The following LDLRAD3 variants were observed in gnomAD, a reference collection of about 807,000 sequenced individuals.
The protein encoded by LDLRAD3 is low-density lipoprotein receptor class A domain-containing protein 3.
In LDLRAD3, 20 loss-of-function variants were observed where a neutral mutation model predicts 29.4. The ratio of observed to expected loss-of-function variants is 0.68; its 90% CI spans 0.48 to 0.99. LDLRAD3 has a LOEUF of 0.99. LDLRAD3 is among the 50% of genes least tolerant of loss of function. The pLI is 0.00. For missense variants in LDLRAD3, 420 were observed against 454.3 expected, an observed-to-expected ratio of 0.92 and a Z score of 0.69; for synonymous variants, 157 against 192.7, an observed-to-expected ratio of 0.81 and a Z score of 1.53.
At position 36,227,245 on chromosome 11, in the gene LDLRAD3, G is replaced by T. The variant is rs199984146; in HGVS notation, c.615G>T (p.Thr205=). Residue 205 remains threonine, a synonymous_variant, in exon 5 of 6, where the codon ACG becomes ACT. Transcript: ENST00000315571. ...AGCGGAAGCGGAACAACCTCATGAC[G>T]CTGCCCGTGCACCGGCTGCAGCACC... ...HHQRKRNNLM[T]LPVHRLQHPV... 6.2e-7 allele frequency: 1 copy of T among 1,614,060 alleles called. No individual in the cohort carries two copies. Among genetic ancestry groups the T allele is most frequent in the Non-Finnish European group, 8.5e-7 (1 of 1,180,038 alleles).
rs557763045 is a variant in LDLRAD3 at position 36,149,554 on chromosome 11, G to A, written c.454+51093G>A. 2.4e-4 allele frequency among the ~76,000 whole-genome samples: 36 copies of A among 152,342 alleles called. 1 individual carries two copies. The South Asian group carries it at 7.5e-3, about 32-fold the overall frequency. ...CAGTGTTGTCCAGCTGGTGAGAGAT[G>A]AGGATGAGAGGGAGTTTGAATCTGT... On this transcript the variant is annotated intron_variant, in intron 4 of 5. Transcript: ENST00000315571.
chr11:36,087,713 T>A (rs929603785), intron 3 of LDLRAD3, among the ~76,000 whole-genome samples: 1 of 151,650 alleles, frequency 6.6e-6, no homozygotes, highest in Admixed American at 6.6e-5. Context: ...CCAGTATATA[T>A]AATTTTTTTT....
intron 4 of LDLRAD3, among the ~76,000 whole-genome samples, chr11:36,176,486 AGCAGTTGTTGTAAGT>A (rs1854677619): frequency 6.7e-6 from 1 of 149,246 alleles, no homozygotes; most frequent in African/African-American, 2.5e-5. Context: ...AACTCCTTTT[AGCAGTTGTTGTAAGT>A]GCTGGCTTGG....
chr11:36,015,910 A>T (rs1439827211), intron 1 of LDLRAD3, among the ~76,000 whole-genome samples: 1 of 152,136 alleles, frequency 6.6e-6, no homozygotes, highest in Non-Finnish European at 1.5e-5. Flanking sequence ...GCGCCCTTGA[A>T]TGAGCTCGTC....
chr11:36,025,188 A>T (rs1043937004), intron 1 of LDLRAD3, among the ~76,000 whole-genome samples: 4 of 152,158 alleles, frequency 2.6e-5, no homozygotes, highest in African/African-American at 7.2e-5. Context: ...AAGCGAGAAT[A>T]TAGTGGTAAA....
chr11:36,038,844 C>A (rs1428536650), intron 2 of LDLRAD3, among the ~76,000 whole-genome samples: 1 of 152,196 alleles, frequency 6.6e-6, no homozygotes, highest in Non-Finnish European at 1.5e-5. Context: ...ACATTAACCT[C>A]TCTCTGTAGC....
At chr11:36,054,575 T>C (rs896138254) in intron 2 of LDLRAD3, among the ~76,000 whole-genome samples, 1 of 152,252 alleles carries the variant, frequency 6.6e-6, no homozygotes. Context: ...TTTACAGGAT[T>C]GACATCACCC....
At chr11:36,057,412 A>C (rs912073205) in intron 2 of LDLRAD3, among the ~76,000 whole-genome samples, 1 of 151,622 alleles carries the variant, frequency 6.6e-6, no homozygotes. Flanking sequence ...TTGGCCCCAA[A>C]CTCTTCCTCA....
chr11:36,057,216 G>A (rs1852634289), intron 2 of LDLRAD3, among the ~76,000 whole-genome samples: 1 of 152,202 alleles, frequency 6.6e-6, no homozygotes, highest in Admixed American at 6.5e-5. Context: ...GCCTCACTCA[G>A]TGGTTCCTGT....
chr11:36,107,286 C>T (rs1395789459), intron 4 of LDLRAD3, among the ~76,000 whole-genome samples: 1 of 151,958 alleles, frequency 6.6e-6, no homozygotes, highest in Non-Finnish European at 1.5e-5. Context: ...CTGCAACCTC[C>T]ACCTCCCAGG....
intron 4 of LDLRAD3, among the ~76,000 whole-genome samples, chr11:36,172,905 C>A (rs934006883): frequency 6.6e-6 from 1 of 152,298 alleles, no homozygotes; most frequent in Admixed American, 6.5e-5. Flanking sequence ...GGGATTGGTA[C>A]TAATTCTTCC....
intron 1 of LDLRAD3, among the ~76,000 whole-genome samples, chr11:35,998,213 A>G (rs929665640): frequency 2.6e-5 from 4 of 152,196 alleles, no homozygotes; most frequent in African/African-American, 9.6e-5. Context: ...TGGTAGTGCA[A>G]ATTTCCTAGT....
chr11:35,987,343 T>C (rs752525765), intron 1 of LDLRAD3, among the ~76,000 whole-genome samples: 1 of 152,202 alleles, frequency 6.6e-6, no homozygotes, highest in Admixed American at 6.5e-5. Flanking sequence ...TGGGGCATGA[T>C]TGATCCCATC....
Position 36,229,706 on chromosome 11 carries a change from T to C in LDLRAD3, c.*309T>C. The C allele has an allele frequency of 2.8e-6, 1 of 357,178 alleles. No homozygotes were observed. 22.1% of individuals were successfully genotyped at this position (357,178 alleles called of 1,614,324 possible). A position where few individuals can be genotyped will look rare whatever the true frequency, so the allele number is the denominator to read the frequency against. ...GACAGCATATAAAACAGTATTGAAATAGGCTGGGAGAGAGCAATGTTTCTG... is the reference window on the plus strand; with the variant it reads ...GACAGCATATAAAACAGTATTGAAACAGGCTGGGAGAGAGCAATGTTTCTG... On this transcript the variant is annotated 3_prime_UTR_variant, in exon 6 of 6. Coordinates refer to ENST00000315571, the MANE Select transcript of LDLRAD3 (RefSeq NM_174902.4).
chr11:36,132,294 T>A (rs972299563), intron 4 of LDLRAD3, among the ~76,000 whole-genome samples: 1 of 152,074 alleles, frequency 6.6e-6, no homozygotes, highest in Non-Finnish European at 1.5e-5. Flanking sequence ...TGTTGGAAAA[T>A]GTGTCTCAAT....
chr11:36,166,824 G>A lies in LDLRAD3; in HGVS notation c.455-60261G>A, dbSNP rs528059654. ...TCAGTAGGTCCAGGATGGGGCCAGA[G>A]AGAATGCATGTCTGTCAAATTCCCA... On this transcript the variant is annotated intron_variant, in intron 4 of 5. Transcript: ENST00000315571. 3.9e-5 allele frequency among the ~76,000 whole-genome samples: 6 copies of A among 152,284 alleles called. No homozygotes were observed. In the East Asian group the frequency reaches 9.7e-4, roughly 25 times the overall value.
rs1023974245 is a variant in LDLRAD3 at position 36,128,067 on chromosome 11, C to T, written c.454+29606C>T. On this transcript the variant is annotated intron_variant, in intron 4 of 5. Transcript: ENST00000315571. ...TCACTGATCTGAGGCATCAGGTGGCCGGGAGGTTCATAACTCAACTGTTGC... is the reference window on the plus strand; with the variant it reads ...TCACTGATCTGAGGCATCAGGTGGCTGGGAGGTTCATAACTCAACTGTTGC... 3.5e-4 allele frequency among the ~76,000 whole-genome samples: 51 copies of T among 144,490 alleles called. 1 individual carries two copies. Among genetic ancestry groups the T allele is most frequent in the Non-Finnish European group, 1.5e-4 (10 of 66,094 alleles). 94.8% of individuals were successfully genotyped at this position (144,490 alleles called of 152,430 possible). A position where few individuals can be genotyped will look rare whatever the true frequency, so the allele number is the denominator to read the frequency against.
At chr11:35,989,179 T>G (rs1851656596) in intron 1 of LDLRAD3, among the ~76,000 whole-genome samples, 2 of 152,194 alleles carry the variant, frequency 1.3e-5, no homozygotes, top group Non-Finnish European at 2.9e-5. Context: ...ATCAGATGGC[T>G]GTAGGTGTGC....
At chr11:35,956,371 T>C (rs568336447) in intron 1 of LDLRAD3, among the ~76,000 whole-genome samples, 6 of 152,328 alleles carry the variant, frequency 3.9e-5, no homozygotes, top group African/African-American at 1.2e-4. Flanking sequence ...TGGTTGAATA[T>C]AGTGTATTTT....
Sources: allele counts gnomAD v4.1 joint callset (sites outside exome capture counted in the v4.1 genomes callset), GRCh38; gene constraint gnomAD v4.1.1; transcripts MANE v1.5; gene names NCBI Gene and HGNC (gene_info 2026-07-23, HGNC 2026-07-21).